Variants in ITPR2 observed in about 807,000 individuals in gnomAD.
The protein encoded by ITPR2 is inositol 1,4,5-trisphosphate-gated calcium channel ITPR2.
A neutral mutation model predicts 317.1 loss-of-function variants in ITPR2; 207 were observed. That is an observed-to-expected ratio of 0.65 (90% CI 0.58 to 0.73). The LOEUF (loss-of-function observed/expected upper bound fraction) is 0.73. Among genes scored for constraint, ITPR2 ranks in the 30% least tolerant of loss-of-function variants. The pLI is 0.00. For synonymous variants in ITPR2, 1,156 were observed against 1,149.1 expected (o/e 1.01, Z -0.12); for missense variants, 2,613 against 3,284.0 (o/e 0.80, Z 4.99).
chr12:26,742,043 CT>C (rs1949239269), intron 2 of ITPR2, among the ~76,000 whole-genome samples: 1 of 152,224 alleles, frequency 6.6e-6, no homozygotes, highest in East Asian at 1.9e-4. Context: ...CACATTTCCT[CT>C]GCAAGGGAGT....
chr12:26,464,301 G>A (rs1460830993), intron 45 of ITPR2, among the ~76,000 whole-genome samples: 2 of 152,236 alleles, frequency 1.3e-5, no homozygotes, highest in Non-Finnish European at 1.5e-5. Flanking sequence ...GCAACTAGGC[G>A]GTCCCATCTG....
chr12:26,708,063 G>A (rs567638733), intron 9 of ITPR2, among the ~76,000 whole-genome samples: 25 of 152,182 alleles, frequency 1.6e-4, no homozygotes, highest in Admixed American at 7.9e-4. Context: ...ATCTCACCCC[G>A]TTTAAAATGA....
intron 34 of ITPR2, among the ~76,000 whole-genome samples, chr12:26,577,378 T>C (rs1591921132): frequency 6.6e-6 from 1 of 152,358 alleles, no homozygotes. Context: ...GTTATTAGTT[T>C]ATCTGAGGAG....
rs1167550482 is a variant in ITPR2, at chr12:26,650,747, CA to C, written c.2740+3228del. Among the ~76,000 whole-genome samples the C allele has an allele frequency of 2.0e-5, 3 of 152,150 alleles. No individual in the cohort carries two copies. In the East Asian group the frequency reaches 5.8e-4, roughly 29 times the overall value. On this transcript the variant is annotated intron_variant, in intron 21 of 56. Transcript: ENST00000381340. ...TTGAAGATTGTAAAAGCATAACAAG[CA>C]GCTTTAGTATGGACATTTCAAGTGT...
At chr12:26,656,191 A>G in intron 19 of ITPR2, 106 bp downstream of exon 19, 1 of 1,387,652 alleles carries the variant, frequency 7.2e-7, no homozygotes, top group Non-Finnish European at 1.0e-6. Flanking sequence ...AACCCAAGAC[A>G]GGATACACAA....
chr12:26,628,188 A>G (rs1381096960), intron 22 of ITPR2, 26 bp from the exon 23 acceptor site: 2 of 1,562,338 alleles, frequency 1.3e-6, no homozygotes, highest in Non-Finnish European at 1.7e-6. Context: ...AGAACAACAT[A>G]AATTTCTTTC....
intron 1 of ITPR2, among the ~76,000 whole-genome samples, chr12:26,827,266 A>C (rs1221796982): frequency 6.7e-6 from 1 of 149,496 alleles, no homozygotes; most frequent in African/African-American, 2.6e-5. Context: ...TTGCACTTAC[A>C]CGGAGAAAAG....
At chr12:26,621,087 C>A in intron 26 of ITPR2, 36 bp downstream of exon 26, 1 of 1,563,628 alleles carries the variant, frequency 6.4e-7, no homozygotes, top group Non-Finnish European at 8.8e-7. Context: ...TAAAAGACAT[C>A]ATTGGGAGTA....
chr12:26,672,068 C>T (rs1251027840), intron 13 of ITPR2, among the ~76,000 whole-genome samples: 4 of 152,118 alleles, frequency 2.6e-5, no homozygotes, highest in Non-Finnish European at 5.9e-5. Flanking sequence ...GAGTGACCTA[C>T]AAAGAGACTT....
At chr12:26,823,148 T>C (rs964942073) in intron 1 of ITPR2, among the ~76,000 whole-genome samples, 1 of 152,162 alleles carries the variant, frequency 6.6e-6, no homozygotes, top group African/African-American at 2.4e-5. Context: ...ACTGTTTTAA[T>C]CATCTTTTGG....
intron 21 of ITPR2, among the ~76,000 whole-genome samples, chr12:26,644,968 C>CG (rs1947079475): frequency 6.6e-6 from 1 of 152,152 alleles, no homozygotes; most frequent in Non-Finnish European, 1.5e-5. Context: ...GAGCTGCCTA[C>CG]GGGGACATAA....
At chr12:26,530,425 A>T (rs2170978) in intron 37 of ITPR2, among the ~76,000 whole-genome samples, 121,074 of 152,190 alleles carry the variant, frequency 0.8, 48,979 homozygotes, top group Non-Finnish European at 0.88. Context: ...CATCATCTTC[A>T]GATGATACTG....
intron 1 of ITPR2, among the ~76,000 whole-genome samples, chr12:26,802,586 T>G (rs12320712): frequency 1.7e-3 from 15 of 9,072 alleles, no homozygotes; most frequent in Non-Finnish European, 2.4e-3. Flanking sequence ...TATAGATATA[T>G]CTATATATAG....
chr12:26,667,523 C>G (rs1165025318), intron 13 of ITPR2, among the ~76,000 whole-genome samples: 3 of 152,172 alleles, frequency 2.0e-5, no homozygotes, highest in Non-Finnish European at 4.4e-5. Flanking sequence ...GCCACAGAAA[C>G]GTAAAACCCG....
intron 2 of ITPR2, among the ~76,000 whole-genome samples, chr12:26,778,313 G>A (rs529432989): frequency 3.9e-5 from 6 of 152,130 alleles, no homozygotes; most frequent in Non-Finnish European, 8.8e-5. Flanking sequence ...AAGACACAGG[G>A]GTGATGATTC....
chr12:26,668,563 C>G (rs1947677616), intron 13 of ITPR2, among the ~76,000 whole-genome samples: 1 of 152,120 alleles, frequency 6.6e-6, no homozygotes, highest in Admixed American at 6.5e-5. Context: ...AAAAATCTCC[C>G]ACCTAAGAAA....
At chr12:26,720,354 TA>T (rs2137040564) in intron 5 of ITPR2, among the ~76,000 whole-genome samples, 1 of 152,310 alleles carries the variant, frequency 6.6e-6, no homozygotes, top group South Asian at 2.1e-4. Context: ...AAAAGTCCTC[TA>T]AACATTGCAA....
At position 26,561,854 on chromosome 12, in the gene ITPR2, C is replaced by T. The variant is rs756730575; in HGVS notation, c.4729G>A (p.Gly1577Ser). The change falls in exon 35 of 57, where the codon GGT (glycine) becomes AGT (serine). Residue 1577 changes from glycine to serine, a missense_variant. This residue lies in a region of ITPR2 where 926 missense variants were observed against 1,072.8 expected (regional missense o/e 0.86). Coordinates refer to ENST00000381340, the MANE Select transcript of ITPR2 (RefSeq NM_002223.4). ...HSNMVQRAAM[G>S]WRLSARSGPR... ...CCAGAGCGAGCTGATAGTCTCCAAC[C>T]CATTGCTGCTCTCTGCACCATATTT... The T allele has an allele frequency of 1.3e-6, 2 of 1,599,364 alleles. No individual in the cohort carries two copies. The highest frequency in any genetic ancestry group is 1.7e-6 in the Non-Finnish European group (2 of 1,176,516).
chr12:26,514,918 C>A (rs1193445521), intron 37 of ITPR2, among the ~76,000 whole-genome samples: 2 of 152,150 alleles, frequency 1.3e-5, no homozygotes, highest in African/African-American at 4.8e-5. Flanking sequence ...GGAACTATAA[C>A]AAAAGACCAA....
Sources: gnomAD v4.1 joint callset for allele counts (sites outside exome capture counted in the v4.1 genomes callset) on GRCh38, gnomAD v4.1.1 for gene constraint, gnomAD v4.1.1 regional missense constraint, MANE v1.5 for transcripts, NCBI Gene and HGNC (gene_info 2026-07-23, HGNC 2026-07-21) for gene names.